The following ZNF804B variants were observed in gnomAD, a reference collection of about 807,000 sequenced individuals.
ZNF804B encodes zinc finger protein 804B.
In ZNF804B, 80 loss-of-function variants were observed where a neutral mutation model predicts 101.4. The ratio of observed to expected loss-of-function variants is 0.79; its 90% CI spans 0.66 to 0.95. The LOEUF is 0.95. Ranked by LOEUF, ZNF804B falls within the 40% of genes least tolerant of loss-of-function variation. ZNF804B has a pLI of 0.00. For synonymous variants in ZNF804B, 622 were observed against 558.8 expected, an observed-to-expected ratio of 1.11 and a Z score of -1.59; for missense variants, 1,673 against 1,561.9, an observed-to-expected ratio of 1.07 and a Z score of -1.20.
At chr7:88,826,253 CACA>C (rs1374046390) in intron 1 of ZNF804B, among the ~76,000 whole-genome samples, 3 of 151,982 alleles carry the variant, frequency 2.0e-5, no homozygotes, top group Non-Finnish European at 4.4e-5. Flanking sequence ...GAAAATATTC[CACA>C]ACATTTCAAA....
intron 1 of ZNF804B, among the ~76,000 whole-genome samples, chr7:89,007,230 C>T (rs76050856): frequency 0.023 from 3,428 of 151,746 alleles, 136 homozygotes; most frequent in African/African-American, 0.078. Context: ...TTACTACCTA[C>T]GCTAAATGAG....
At chr7:88,851,384 A>G (rs1791448318) in intron 1 of ZNF804B, among the ~76,000 whole-genome samples, 1 of 152,072 alleles carries the variant, frequency 6.6e-6, no homozygotes, top group South Asian at 2.1e-4. Flanking sequence ...CAGCCAAAGG[A>G]AAAAAGACAC....
chr7:88,762,298 T>C (rs1476955673), intron 1 of ZNF804B, among the ~76,000 whole-genome samples: 2 of 152,242 alleles, frequency 1.3e-5, no homozygotes, highest in Non-Finnish European at 2.9e-5. Context: ...GTTTCTCATG[T>C]GAGCTGGGCA....
intron 2 of ZNF804B, among the ~76,000 whole-genome samples, chr7:89,298,173 T>C (rs1396844405): frequency 7.6e-6 from 1 of 132,010 alleles, no homozygotes; most frequent in Non-Finnish European, 1.6e-5. Flanking sequence ...ATATTTCATA[T>C]ATATATAGTG....
chr7:89,183,940 A>C (rs1788338162), intron 1 of ZNF804B, among the ~76,000 whole-genome samples: 1 of 152,152 alleles, frequency 6.6e-6, no homozygotes, highest in Non-Finnish European at 1.5e-5. Context: ...TTATAGAGTT[A>C]GCCTTTTTAT....
intron 1 of ZNF804B, among the ~76,000 whole-genome samples, chr7:88,915,698 C>G (rs1001798425): frequency 1.3e-5 from 2 of 151,518 alleles, no homozygotes; most frequent in African/African-American, 4.8e-5. Flanking sequence ...AAAACATATT[C>G]TAGGAAAAAT....
chr7:89,061,972 C>T (rs1789388457), intron 1 of ZNF804B, among the ~76,000 whole-genome samples: 1 of 151,978 alleles, frequency 6.6e-6, no homozygotes, highest in Non-Finnish European at 1.5e-5. Flanking sequence ...TCATCACTCC[C>T]AATTCCTAGG....
intron 1 of ZNF804B, among the ~76,000 whole-genome samples, chr7:89,118,854 C>T (rs897949623): frequency 1.3e-4 from 20 of 152,116 alleles, no homozygotes; most frequent in African/African-American, 4.8e-4. Flanking sequence ...GAGTTTCCCT[C>T]TGAAAGAGGA....
chr7:89,056,701 A>G (rs1287216097), intron 1 of ZNF804B, among the ~76,000 whole-genome samples: 2 of 152,126 alleles, frequency 1.3e-5, no homozygotes, highest in Non-Finnish European at 2.9e-5. Flanking sequence ...TGTCACAACA[A>G]GGTTGGATCT....
intron 2 of ZNF804B, among the ~76,000 whole-genome samples, chr7:89,266,139 G>T (rs146944154): frequency 1.3e-5 from 2 of 152,182 alleles, no homozygotes; most frequent in Non-Finnish European, 2.9e-5. Flanking sequence ...CCAGAACAGG[G>T]CCATTTCCAT....
At chr7:89,132,301 G>A (rs1017582912) in intron 1 of ZNF804B, among the ~76,000 whole-genome samples, 1 of 151,732 alleles carries the variant, frequency 6.6e-6, no homozygotes, top group African/African-American at 2.4e-5. Context: ...TACTGCAGAG[G>A]AATTTTCTGA....
intron 2 of ZNF804B, among the ~76,000 whole-genome samples, chr7:89,233,392 GA>G (rs1789228859): frequency 6.6e-6 from 1 of 151,056 alleles, no homozygotes. Context: ...ACTCTGAACA[GA>G]AAAATAAATA....
intron 1 of ZNF804B, among the ~76,000 whole-genome samples, chr7:88,830,897 C>T (rs899913969): frequency 1.5e-4 from 22 of 151,614 alleles, no homozygotes; most frequent in African/African-American, 4.6e-4. Context: ...TGTATTTGCC[C>T]ACTTTTGTAT....
chr7:88,874,232 A>T (rs932633307), intron 1 of ZNF804B, among the ~76,000 whole-genome samples: 3 of 152,040 alleles, frequency 2.0e-5, no homozygotes, highest in Non-Finnish European at 2.9e-5. Context: ...CTTTGAAGCA[A>T]TTGTGAATGG....
At chr7:88,786,495 G>C (rs1433940229) in intron 1 of ZNF804B, among the ~76,000 whole-genome samples, 1 of 151,996 alleles carries the variant, frequency 6.6e-6, no homozygotes, top group African/African-American at 2.4e-5. Context: ...GGAGATTTCA[G>C]GCTAAGAATA....
chr7:88,828,481 C>T (rs771750796), intron 1 of ZNF804B, among the ~76,000 whole-genome samples: 2 of 152,010 alleles, frequency 1.3e-5, no homozygotes, highest in Admixed American at 1.3e-4. Flanking sequence ...CTCCTCTCTG[C>T]CTCTAATGCC....
Position 88,927,411 on chromosome 7 carries a change from C to T in ZNF804B, c.108+167327C>T, listed in dbSNP as rs79923672. On this transcript the variant is annotated intron_variant, in intron 1 of 3. Coordinates refer to ENST00000333190, the MANE Select transcript of ZNF804B (RefSeq NM_181646.5). ...GAGAGGCATTTTTATCTAATACGTT[C>T]AAACACATGAAGAGAAACATCACTT... is the stretch of plus-strand genomic sequence containing the variant. 1.1e-3 allele frequency among the ~76,000 whole-genome samples: 173 copies of T among 152,246 alleles called. 2 individuals are homozygous for T. The highest frequency in any genetic ancestry group is 4.0e-3 in the African/African-American group (168 of 41,548).
intron 2 of ZNF804B, among the ~76,000 whole-genome samples, chr7:89,304,575 A>C (rs1405206961): frequency 6.9e-6 from 1 of 144,538 alleles, no homozygotes; most frequent in African/African-American, 2.4e-5. Flanking sequence ...ACATAAGAAA[A>C]TTTTTGTTAG....
chr7:88,917,311 A>G (rs894175504), intron 1 of ZNF804B, among the ~76,000 whole-genome samples: 6 of 152,118 alleles, frequency 3.9e-5, no homozygotes, highest in African/African-American at 1.4e-4. Context: ...AAATGGTCTG[A>G]ACCATGTTGA....
Sources: gnomAD v4.1 joint callset for allele counts (sites outside exome capture counted in the v4.1 genomes callset) on GRCh38, gnomAD v4.1.1 for gene constraint, MANE v1.5 for transcripts, NCBI Gene and HGNC (gene_info 2026-07-23, HGNC 2026-07-21) for gene names.